Variants in PSMA3 observed in about 807,000 individuals in gnomAD.
PSMA3 encodes the protein proteasome subunit alpha type-3.
Under a neutral mutation model 40.0 loss-of-function variants are expected in PSMA3, and 8 were observed. The ratio of observed to expected loss-of-function variants is 0.20; its 90% confidence interval spans 0.12 to 0.36. The LOEUF is 0.36. Ranked by LOEUF, PSMA3 falls within the 10% of genes least tolerant of loss-of-function variation. The pLI, the probability that PSMA3 is intolerant of heterozygous loss-of-function variation, is 1.00. For synonymous variants in PSMA3, 110 were observed against 100.0 expected (o/e 1.10, Z -0.59); for missense variants, 219 against 310.6 (o/e 0.70, Z 2.22).
At position 58,257,768 on chromosome 14, in the gene PSMA3, T is replaced by C; in HGVS notation, c.252T>C (p.Asp84=). Residue 84 remains aspartate (D), a synonymous_variant, in exon 4 of 11, where the codon GAT becomes GAC. Transcript: ENST00000216455. ...AGGCAGTAGCAGGTTTGTTGGCAGA[T>C]GCTCGTTCTTTAGCAGACATAGCAA... ...VGMAVAGLLA[D]ARSLADIARE... 1 of 1,612,432 alleles carries C rather than the reference T, an allele frequency of 6.2e-7. No homozygotes were observed. The highest frequency in any genetic ancestry group is 8.5e-7 in the Non-Finnish European group (1 of 1,178,722).
At chr14:58,269,557 CGAG>C (rs1890550105) in intron 8 of PSMA3, 1 of 151,478 alleles carries the variant, frequency 6.6e-6, no homozygotes, top group South Asian at 2.1e-4. Flanking sequence ...CTCAGTTTCC[CGAG>C]TAGTTGGGAC....
At chr14:58,259,068 C>T (rs1277492708) in intron 5 of PSMA3, among the ~76,000 whole-genome samples, 1 of 152,188 alleles carries the variant, frequency 6.6e-6, no homozygotes, top group South Asian at 2.1e-4. Flanking sequence ...GCTGGGACCA[C>T]AGGCATGGGC....
At chr14:58,266,167 G>A (rs1034704745) in intron 7 of PSMA3, 7 of 152,080 alleles carry the variant, frequency 4.6e-5, no homozygotes, top group African/African-American at 1.7e-4. Context: ...ATAATGGTTT[G>A]TCTATTTCCT....
chr14:58,270,185 C>G, intron 8 of PSMA3: 1 of 509,282 alleles, frequency 2.0e-6, no homozygotes, highest in South Asian at 2.8e-5. Flanking sequence ...ATAAACTGAA[C>G]TTGGGTTGAT....
chr14:58,269,837 T>C (rs772699489), intron 8 of PSMA3: 4 of 152,082 alleles, frequency 2.6e-5, no homozygotes, highest in Non-Finnish European at 5.9e-5. Context: ...ATGAGGTATC[T>C]TTTATAGTTG....
intron 3 of PSMA3, among the ~76,000 whole-genome samples, chr14:58,252,850 T>A (rs1194130763): frequency 6.6e-6 from 1 of 151,756 alleles, no homozygotes; most frequent in Non-Finnish European, 1.5e-5. Context: ...CAAATGATTC[T>A]AACCCTGCCA....
chr14:58,244,889 G>C lies in PSMA3; in HGVS notation c.-32G>C. 6.2e-7 allele frequency: 1 copy of C among 1,614,194 alleles called. No homozygotes were observed. The highest frequency in any genetic ancestry group is 8.5e-7 in the Non-Finnish European group (1 of 1,180,020). ...GTATAGGGGAAGCGCTCCGGGCCTG[G>C]AATCCCTACGCGTCCCTTTGGGTTT... On this transcript the variant is annotated 5_prime_UTR_variant, in exon 1 of 11. Coordinates refer to ENST00000216455, the MANE Select transcript of PSMA3 (RefSeq NM_002788.4).
At chr14:58,257,497 CAAA>C (rs1188889919) in intron 3 of PSMA3, among the ~76,000 whole-genome samples, 1 of 129,162 alleles carries the variant, frequency 7.7e-6, no homozygotes, top group Non-Finnish European at 1.7e-5. Flanking sequence ...GACCCCGTAT[CAAA>C]AAAAAAAAAG....
intron 3 of PSMA3, among the ~76,000 whole-genome samples, chr14:58,253,218 C>T (rs1890053774): frequency 6.6e-6 from 1 of 152,110 alleles, no homozygotes; most frequent in Non-Finnish European, 1.5e-5. Context: ...CTCCTGACCT[C>T]AAGTGATCCA....
chr14:58,263,828 T>C (rs1030248923), intron 7 of PSMA3, 58 bp downstream of exon 7: 13 of 1,483,974 alleles, frequency 8.8e-6, no homozygotes, highest in East Asian at 4.5e-5. Context: ...TGAAATTTTA[T>C]CACCACAGAC....
chr14:58,256,503 C>T (rs557711281), intron 3 of PSMA3, among the ~76,000 whole-genome samples: 4 of 150,786 alleles, frequency 2.7e-5, no homozygotes, highest in African/African-American at 9.7e-5. Context: ...CAACTTCCGC[C>T]TCCCAGGTTC....
rs761649547 is a variant in PSMA3 at position 58,271,843 on chromosome 14, C to T, written c.724-8C>T. ...AATCAATTTTAAACACCTGTTTTCTCTTAACAGGAATCTCTGAAGGAAGAA... is the reference window on the plus strand; with the variant it reads ...AATCAATTTTAAACACCTGTTTTCTTTTAACAGGAATCTCTGAAGGAAGAA... On this transcript the variant is annotated splice_polypyrimidine_tract_variant and splice_region_variant and intron_variant, in intron 10 of 10. Coordinates refer to ENST00000216455, the MANE Select transcript of PSMA3 (RefSeq NM_002788.4). 6.3e-7 allele frequency: 1 copy of T among 1,593,484 alleles called. No homozygotes were observed. The highest frequency in any genetic ancestry group is 8.6e-7 in the Non-Finnish European group (1 of 1,162,232).
At chr14:58,266,567 C>G (rs958242121) in intron 7 of PSMA3, 2 of 152,192 alleles carry the variant, frequency 1.3e-5, no homozygotes, top group Admixed American at 6.5e-5. Context: ...ATTTTTCTAC[C>G]TTGATTTCCA....
chr14:58,269,278 C>A (rs1183655724), intron 8 of PSMA3, among the ~76,000 whole-genome samples: 1 of 151,938 alleles, frequency 6.6e-6, no homozygotes, highest in Non-Finnish European at 1.5e-5. Flanking sequence ...GACAGTGCCT[C>A]CTTCTTTGCT....
chr14:58,261,521 A>AT (rs1245466123), intron 6 of PSMA3, among the ~76,000 whole-genome samples: 2 of 151,854 alleles, frequency 1.3e-5, no homozygotes, highest in Admixed American at 6.6e-5. Context: ...CAGAGGAAAG[A>AT]TTTTTTTTCA....
rs376853702 is a variant in PSMA3 at position 58,249,340 on chromosome 14, T to A, written c.104+1508T>A. Among the ~76,000 whole-genome samples, 320 of 151,456 alleles carry A rather than the reference T, an allele frequency of 2.1e-3. 2 individuals are homozygous for A. The highest frequency in any genetic ancestry group is 5.4e-3 in the African/African-American group (225 of 41,298). ...GTGAACAAATGCTAGTTTCTTATTT[T>A]AAAAAAAAATGTTTATTTATTTTAA... On this transcript the variant is annotated intron_variant, in intron 2 of 10. Transcript: ENST00000216455.
rs1424233973 is a variant in PSMA3, at chr14:58,244,917, C to G, written c.-4C>G. On this transcript the variant is annotated 5_prime_UTR_variant, in exon 1 of 11. Transcript: ENST00000216455. ...TCCCTACGCGTCCCTTTGGGTTTAG[C>G]ACGATGAGCTCAATCGGCACTGGGG... is the stretch of plus-strand genomic sequence containing the variant. The G allele has an allele frequency of 1.9e-6, 3 of 1,614,056 alleles. No individual in the cohort carries two copies. In the African/African-American group the frequency reaches 4.0e-5, roughly 22 times the overall value.
At chr14:58,254,811 T>A (rs1489961016) in intron 3 of PSMA3, among the ~76,000 whole-genome samples, 2 of 152,158 alleles carry the variant, frequency 1.3e-5, no homozygotes, top group African/African-American at 2.4e-5. Flanking sequence ...TTGGGGAAGC[T>A]ATTCTAAACA....
At chr14:58,263,130 C>G (rs1890331097) in intron 6 of PSMA3, among the ~76,000 whole-genome samples, 1 of 151,834 alleles carries the variant, frequency 6.6e-6, no homozygotes, top group Non-Finnish European at 1.5e-5. Flanking sequence ...TTACAGGCAC[C>G]TGCCACCACA....
Sources: allele counts gnomAD v4.1 joint callset (sites outside exome capture counted in the v4.1 genomes callset), GRCh38; gene constraint gnomAD v4.1.1; transcripts MANE v1.5; gene names NCBI Gene and HGNC (gene_info 2026-07-23, HGNC 2026-07-21).